SLC30A8: variants seen among roughly 807,000 people sequenced by gnomAD.
The protein encoded by SLC30A8 is proton-coupled zinc antiporter SLC30A8.
In SLC30A8, 27 loss-of-function variants were observed where a neutral mutation model predicts 36.9. The observed-to-expected ratio is 0.73, with a 90% confidence interval of 0.54 to 1.01. SLC30A8 has a LOEUF of 1.01. SLC30A8 is among the 50% of genes least tolerant of loss of function. The probability of loss-of-function intolerance (pLI) is 0.00; values close to 1 mark genes in which losing one functional copy is unlikely to be tolerated. For missense variants in SLC30A8, 439 were observed against 452.0 expected, an observed-to-expected ratio of 0.97 and a Z score of 0.26; for synonymous variants, 164 against 172.4, an observed-to-expected ratio of 0.95 and a Z score of 0.38.
At chr8:117,101,080 T>C (rs1365940089) in intron 2 of SLC30A8, among the ~76,000 whole-genome samples, 3 of 152,148 alleles carry the variant, frequency 2.0e-5, no homozygotes, top group Non-Finnish European at 4.4e-5. Flanking sequence ...CAGATAAGTT[T>C]TAATCTTAGA....
intron 1 of SLC30A8, among the ~76,000 whole-genome samples, chr8:117,010,911 A>G (rs975732732): frequency 1.7e-4 from 26 of 152,094 alleles, no homozygotes; most frequent in African/African-American, 5.8e-4. Context: ...ATGGTGCTAA[A>G]CCATTAGAAA....
intron 1 of SLC30A8, among the ~76,000 whole-genome samples, chr8:116,987,735 G>T (rs370765622): frequency 1.3e-5 from 2 of 151,832 alleles, no homozygotes; most frequent in African/African-American, 2.4e-5. Context: ...TCACTGTGTT[G>T]CCCAGGTTGG....
chr8:117,121,653 G>C (rs1820700162), intron 2 of SLC30A8, among the ~76,000 whole-genome samples: 2 of 151,894 alleles, frequency 1.3e-5, no homozygotes, highest in African/African-American at 4.8e-5. Context: ...TGAATTGGAG[G>C]GGTACACAAA....
At chr8:117,160,802 C>T (rs894377113) in intron 4 of SLC30A8, among the ~76,000 whole-genome samples, 1 of 152,180 alleles carries the variant, frequency 6.6e-6, no homozygotes, top group African/African-American at 2.4e-5. Flanking sequence ...ATCTAGATGG[C>T]TAGCGGTCAT....
At chr8:117,062,734 C>G (rs1027464583) in intron 2 of SLC30A8, among the ~76,000 whole-genome samples, 1 of 152,152 alleles carries the variant, frequency 6.6e-6, no homozygotes, top group Non-Finnish European at 1.5e-5. Context: ...AAGCAGCATG[C>G]CTGTGACCTT....
chr8:117,132,145 G>A (rs899316137), upstream of SLC30A8, among the ~76,000 whole-genome samples: 1 of 152,018 alleles, frequency 6.6e-6, no homozygotes, highest in Non-Finnish European at 1.5e-5. Context: ...TCTGAAATAC[G>A]AGTTTAAATA....
intron 1 of SLC30A8, among the ~76,000 whole-genome samples, chr8:117,136,091 C>T (rs1016971528): frequency 6.6e-6 from 1 of 151,940 alleles, no homozygotes; most frequent in Non-Finnish European, 1.5e-5. Flanking sequence ...AATTACAAAA[C>T]AGTGTATTTG....
intron 2 of SLC30A8, among the ~76,000 whole-genome samples, chr8:117,045,228 T>G (rs186474810): frequency 3.9e-5 from 6 of 152,256 alleles, no homozygotes; most frequent in Admixed American, 1.3e-4. Context: ...GTTTTTCTAG[T>G]GGAGGAACCT....
Position 117,013,545 on chromosome 8 carries a change from A to AT in SLC30A8, c.-265-25667dup, listed in dbSNP as rs928345212. ...GAAAATAAAATATTAATATTCATTC[A>AT]TTTTTTTCTCAGTAAATTCTCTTGT... On this transcript the variant is annotated intron_variant, in intron 1 of 10. Coordinates refer to the SLC30A8 transcript ENST00000427715. Among the ~76,000 whole-genome samples the AT allele has an allele frequency of 5.1e-4, 78 of 152,218 alleles. 1 individual carries two copies. Among genetic ancestry groups the AT allele is most frequent in the African/African-American group, 1.7e-3 (69 of 41,540 alleles).
chr8:117,089,484 C>T (rs73315665), intron 2 of SLC30A8, among the ~76,000 whole-genome samples: 14,963 of 152,182 alleles, frequency 0.098, 1,236 homozygotes, highest in African/African-American at 0.23. Context: ...GCTTCATTCA[C>T]ATCCCAATAC....
At chr8:117,086,937 A>G (rs974760834) in intron 2 of SLC30A8, among the ~76,000 whole-genome samples, 2 of 152,182 alleles carry the variant, frequency 1.3e-5, no homozygotes, top group Non-Finnish European at 2.9e-5. Flanking sequence ...AGTGAAAACC[A>G]TCTTAGACAC....
intron 2 of SLC30A8, among the ~76,000 whole-genome samples, chr8:117,089,001 C>T (rs1818997431): frequency 6.6e-6 from 1 of 152,216 alleles, no homozygotes; most frequent in African/African-American, 2.4e-5. Flanking sequence ...CATTCTTATC[C>T]TACTTGTCCT....
intron 2 of SLC30A8, among the ~76,000 whole-genome samples, chr8:117,075,677 A>AGCTT (rs1489837354): frequency 1.3e-5 from 2 of 152,076 alleles, no homozygotes; most frequent in Non-Finnish European, 2.9e-5. Context: ...TCTCATCTTT[A>AGCTT]GCTTCACCTT....
chr8:117,070,919 A>G (rs558475755), intron 2 of SLC30A8, among the ~76,000 whole-genome samples: 7 of 152,094 alleles, frequency 4.6e-5, no homozygotes, highest in African/African-American at 1.2e-4. Context: ...GTGTATATAT[A>G]TCACTTTTTC....
chr8:117,005,302 G>C (rs1816139865), intron 1 of SLC30A8, among the ~76,000 whole-genome samples: 1 of 152,056 alleles, frequency 6.6e-6, no homozygotes, highest in African/African-American at 2.4e-5. Flanking sequence ...CATATGAATG[G>C]AATCACATAA....
intron 2 of SLC30A8, among the ~76,000 whole-genome samples, chr8:117,058,453 G>A (rs1817934201): frequency 6.6e-6 from 1 of 152,018 alleles, no homozygotes; most frequent in Admixed American, 6.6e-5. Flanking sequence ...AAAAATCATT[G>A]CCAAGGCCAG....
chr8:117,088,020 A>G (rs1818949162), intron 2 of SLC30A8, among the ~76,000 whole-genome samples: 1 of 151,878 alleles, frequency 6.6e-6, no homozygotes. Context: ...AAAGGGAGGA[A>G]AAAAGGATGA....
intron 2 of SLC30A8, among the ~76,000 whole-genome samples, chr8:117,093,041 C>G (rs187655786): frequency 6.6e-6 from 1 of 152,040 alleles, no homozygotes; most frequent in Non-Finnish European, 1.5e-5. Flanking sequence ...CTATCCTTAC[C>G]AGGGGCTGGT....
intron 1 of SLC30A8, among the ~76,000 whole-genome samples, chr8:117,005,459 TTA>T (rs1427748324): frequency 3.9e-5 from 6 of 152,376 alleles, no homozygotes; most frequent in African/African-American, 1.4e-4. Context: ...CACATATTGT[TTA>T]TGCATTCATC....
Sources: gnomAD v4.1 joint callset for allele counts (sites outside exome capture counted in the v4.1 genomes callset) on GRCh38, gnomAD v4.1.1 for gene constraint, MANE v1.5 for transcripts, NCBI Gene and HGNC (gene_info 2026-07-23, HGNC 2026-07-21) for gene names.